Variants in RAB29 observed in about 807,000 individuals in gnomAD.
RAB29 encodes ras-related protein Rab-29.
Under a neutral mutation model 25.5 loss-of-function variants are expected in RAB29, and 13 were observed. That is an observed-to-expected ratio of 0.51 (90% CI 0.33 to 0.81). The LOEUF (loss-of-function observed/expected upper bound fraction) is 0.81. Ranked by LOEUF, RAB29 falls within the 30% of genes least tolerant of loss-of-function variation. The pLI, the probability that RAB29 is intolerant of heterozygous loss-of-function variation, is 0.02. For missense variants in RAB29, 201 were observed against 254.9 expected (o/e 0.79, Z 1.44); for synonymous variants, 88 against 95.0 (o/e 0.93, Z 0.43).
rs775434030 is a variant in RAB29, at chr1:205,770,299, A to G, written c.*43T>C. On this transcript the variant is annotated 3_prime_UTR_variant, in exon 6 of 6. Coordinates refer to ENST00000367139, the MANE Select transcript of RAB29 (RefSeq NM_003929.3). ...GTGGGCAACCAAAGGGAAGAGACTTAAAAGACCTCCCAGAACTGGGATGGA... is the reference window on the plus strand; with the variant it reads ...GTGGGCAACCAAAGGGAAGAGACTTGAAAGACCTCCCAGAACTGGGATGGA... The G allele has an allele frequency of 6.5e-7, 1 of 1,540,158 alleles. No individual in the cohort carries two copies. Among genetic ancestry groups the G allele is most frequent in the South Asian group, 1.1e-5 (1 of 89,306 alleles).
intron 3 of RAB29, among the ~76,000 whole-genome samples, chr1:205,771,962 TTGA>T (rs1655050484): frequency 6.6e-6 from 1 of 151,066 alleles, no homozygotes; most frequent in Non-Finnish European, 1.5e-5. Flanking sequence ...TTTTTTTTTT[TTGA>T]AACAGTTTCC....
In RAB29 at chr1:205,770,358, C is replaced by T; in HGVS notation, c.596G>A (p.Ser199Asn). 2 of 1,613,696 alleles carry T rather than the reference C, an allele frequency of 1.2e-6. No individual in the cohort carries two copies. Among genetic ancestry groups the T allele is most frequent in the African/African-American group, 2.7e-5 (2 of 75,042 alleles). ...DYINLQTKSS[S>N]WSCC is the part of the protein sequence containing the mutation. ...CAAACACTACTAGCAGCAGGACCAG[C>T]TGGAGGACTTGGTTTGTAGATTGAT... Residue 199 changes from serine to asparagine, a missense_variant, in exon 6 of 6, where the codon AGC becomes AAC. Ser to Asn is a conservative substitution (Grantham distance 46). Transcript: ENST00000367139.
chr1:205,770,692 A>G (rs1326820908), intron 5 of RAB29, 41 bp downstream of exon 5: 12 of 1,613,246 alleles, frequency 7.4e-6, no homozygotes, highest in Non-Finnish European at 1.0e-5. Context: ...CCACAGTGGA[A>G]GATGGATACA....
chr1:205,771,527 C>T lies in RAB29; in HGVS notation c.323G>A (p.Ser108Asn). 1.2e-6 allele frequency: 2 copies of T among 1,614,182 alleles called. No individual in the cohort carries two copies. Among genetic ancestry groups the T allele is most frequent in the Non-Finnish European group, 1.7e-6 (2 of 1,180,028 alleles). ...CTCTCCATTGGGTAGTGTGAGCTTG[C>T]TGTCTAGGTCCTGTTTCCACCTCTG... Reference protein sequence around the residue: ...NSQRWKQDLDSKLTLPNGEPV... With the variant: ...NSQRWKQDLDNKLTLPNGEPV... Residue 108 changes from serine to asparagine, a missense_variant, in exon 4 of 6, where the codon AGC becomes AAC. By Grantham distance (46) the Ser-to-Asn change is conservative. Coordinates refer to ENST00000367139, the MANE Select transcript of RAB29 (RefSeq NM_003929.3).
chr1:205,774,792 T>TCCGGCAG, intron 2 of RAB29, 41 bp downstream of exon 2: 1 of 1,287,998 alleles, frequency 7.8e-7, no homozygotes, highest in Non-Finnish European at 1.1e-6. Flanking sequence ...GGTCGGGGCC[T>TCCGGCAG]CCTCCTCCCC....
At chr1:205,772,943 C>T (rs1289205978) in intron 2 of RAB29, among the ~76,000 whole-genome samples, 1 of 152,080 alleles carries the variant, frequency 6.6e-6, no homozygotes, top group Non-Finnish European at 1.5e-5. Flanking sequence ...GGAAATGAGA[C>T]AAGTGTGGTT....
In RAB29 at chr1:205,772,504, T is replaced by G. The variant is rs771461621; in HGVS notation, c.188A>C (p.Asp63Ala). Residue 63 changes from aspartate to alanine, a missense_variant, in exon 3 of 6, where the codon GAT becomes GCT. Transcript: ENST00000367139. The stretch of plus-strand genomic sequence containing the variant: ...TAGCCCTCCCACTTTACCTGCAATA[T>G]CCCACAGCTGAAGCCGCACTATCTC... ...DYEIVRLQLWDIAGQERFTSM... is the reference protein window; with the variant it reads ...DYEIVRLQLWAIAGQERFTSM... 4 of 1,613,734 alleles carry G rather than the reference T, an allele frequency of 2.5e-6. No homozygotes were observed. The highest frequency in any genetic ancestry group is 2.5e-6 in the Non-Finnish European group (3 of 1,179,864).
At chr1:205,774,041 G>GA (rs1187686124) in intron 2 of RAB29, among the ~76,000 whole-genome samples, 1 of 152,030 alleles carries the variant, frequency 6.6e-6, no homozygotes, top group Non-Finnish European at 1.5e-5. Context: ...TTCTGCCTCT[G>GA]AAAAAATAGT....
Position 205,768,566 on chromosome 1 carries a change from T to A in RAB29, c.*1776A>T, listed in dbSNP as rs867519422. 2 of 149,578 alleles carry A rather than the reference T, an allele frequency of 1.3e-5. No individual in the cohort carries two copies. The highest frequency in any genetic ancestry group is 3.4e-3 in the Middle Eastern group (1 of 290). The allele number at this position is 149,578 out of a possible 1,614,324, so 9.3% of individuals were successfully genotyped here. A position where few individuals can be genotyped will look rare whatever the true frequency, so the allele number is the denominator to read the frequency against. On this transcript the variant is annotated 3_prime_UTR_variant, in exon 6 of 6. Transcript: ENST00000367139. ...TTTTTTTTTGGAGATGGAGTTTCACTCTTGTTGCCCAGGCTGAAGCGCAAT... is the reference window on the plus strand; with the variant it reads ...TTTTTTTTTGGAGATGGAGTTTCACACTTGTTGCCCAGGCTGAAGCGCAAT...
chr1:205,772,689 C>G, intron 2 of RAB29, 122 bp from the exon 3 acceptor site: 2 of 855,752 alleles, frequency 2.3e-6, no homozygotes, highest in Non-Finnish European at 3.8e-6. Context: ...ATATGTTTAA[C>G]TTTAAGCCCT....
chr1:205,771,149 A>G (rs1277804717), intron 4 of RAB29: 1 of 460,180 alleles, frequency 2.2e-6, no homozygotes, highest in Non-Finnish European at 4.0e-6. Flanking sequence ...ATACAAAAAA[A>G]TTAGCTGGGT....
chr1:205,770,606 G>T, intron 5 of RAB29, 127 bp downstream of exon 5: 1 of 1,488,888 alleles, frequency 6.7e-7, no homozygotes, highest in South Asian at 1.2e-5. Context: ...CAGTATCCCT[G>T]ACCTTTAGGG....
rs1571606309 is a variant in RAB29, at chr1:205,768,062, A to G, written c.*2280T>C. On this transcript the variant is annotated 3_prime_UTR_variant, in exon 6 of 6. Coordinates refer to ENST00000367139, the MANE Select transcript of RAB29 (RefSeq NM_003929.3). ...GAATGAAAATCAATTATCTCTTCAT[A>G]TCAATGAAATTCACTATTTCACTAT... The G allele has an allele frequency of 6.6e-6, 1 of 152,352 alleles. No homozygotes were observed. Among genetic ancestry groups the G allele is most frequent in the Middle Eastern group, 3.4e-3 (1 of 294 alleles). 9.4% of individuals were successfully genotyped at this position (152,352 alleles called of 1,614,324 possible). A position where few individuals can be genotyped will look rare whatever the true frequency, so the allele number is the denominator to read the frequency against.
rs1655267978 is a variant in RAB29 at position 205,775,280 on chromosome 1, T to G, written c.-138A>C. 3.4e-6 allele frequency: 1 copy of G among 296,270 alleles called. No individual in the cohort carries two copies. The highest frequency in any genetic ancestry group is 6.4e-6 in the Non-Finnish European group (1 of 156,404). The allele number at this position is 296,270 out of a possible 1,614,324, so 18.4% of individuals were successfully genotyped here. A position where few individuals can be genotyped will look rare whatever the true frequency, so the allele number is the denominator to read the frequency against. ...CCGCGGAACCTCACCCACCGGGACT[T>G]CCCCCGAGCGGCTCCAAGTCAGTGA... On this transcript the variant is annotated 5_prime_UTR_variant, in exon 1 of 6. Transcript: ENST00000367139.
At chr1:205,774,079 A>C (rs1655169319) in intron 2 of RAB29, among the ~76,000 whole-genome samples, 1 of 152,250 alleles carries the variant, frequency 6.6e-6, no homozygotes, top group Admixed American at 6.5e-5. Context: ...CCCGGGAAAG[A>C]AATGAATGAA....
At chr1:205,771,369 C>A in intron 4 of RAB29, 103 bp downstream of exon 4, 1 of 1,404,790 alleles carries the variant, frequency 7.1e-7, no homozygotes, top group Non-Finnish European at 1.0e-6. Flanking sequence ...ATGATTTTGC[C>A]AACTTAAGAA....
intron 4 of RAB29, 68 bp downstream of exon 4, chr1:205,771,404 A>G (rs1655003196): frequency 1.3e-6 from 2 of 1,553,474 alleles, no homozygotes; most frequent in African/African-American, 1.4e-5. Flanking sequence ...CCAGAATCAG[A>G]GAGCATTTTA....
intron 5 of RAB29, 74 bp from the exon 6 acceptor site, chr1:205,770,527 T>A: frequency 6.9e-7 from 1 of 1,444,692 alleles, no homozygotes; most frequent in Non-Finnish European, 9.6e-7. Flanking sequence ...GTCTGACTTA[T>A]CATCAGAGAG....
Position 205,768,521 on chromosome 1 carries a change from A to G in RAB29, c.*1821T>C, listed in dbSNP as rs1452517685. ...CAGTAGGTTTGAGGTCGGGACCCAA[A>G]AATCTTTTTCTTTTTGTTTTTTTTT... On this transcript the variant is annotated 3_prime_UTR_variant, in exon 6 of 6. Transcript: ENST00000367139. 2 of 129,116 alleles carry G rather than the reference A, an allele frequency of 1.5e-5. No homozygotes were observed. The highest frequency in any genetic ancestry group is 3.2e-5 in the Non-Finnish European group (2 of 61,620). The allele number at this position is 129,116 out of a possible 1,614,324, so 8.0% of individuals were successfully genotyped here.
Sources: allele counts gnomAD v4.1 joint callset (sites outside exome capture counted in the v4.1 genomes callset), GRCh38; gene constraint gnomAD v4.1.1; transcripts MANE v1.5; gene names NCBI Gene and HGNC (gene_info 2026-07-23, HGNC 2026-07-21).